Variants in DLG2 observed in about 807,000 individuals in gnomAD.
The protein encoded by DLG2 is disks large homolog 2.
DLG2 carries 45 observed loss-of-function variants against 132.5 expected under a neutral mutation model. The observed-to-expected ratio is 0.34, with a 90% CI of 0.27 to 0.44. The LOEUF (loss-of-function observed/expected upper bound fraction) is 0.44. Ranked by LOEUF, DLG2 falls within the 20% of genes least tolerant of loss-of-function variation. The pLI is 1.00. For synonymous variants in DLG2, 424 were observed against 419.6 expected (o/e 1.01, Z -0.13); for missense variants, 1,045 against 1,196.9 (o/e 0.87, Z 1.87).
chr11:85,310,973 T>G (rs2080278119), intron 3 of DLG2, among the ~76,000 whole-genome samples: 1 of 152,222 alleles, frequency 6.6e-6, no homozygotes, highest in South Asian at 2.1e-4. Flanking sequence ...GATTAATTTC[T>G]CTATTCATGT....
In DLG2 at chr11:85,376,105, C is replaced by T. The variant is rs58606696; in HGVS notation, c.41-90740G>A. ...TCAAGGCACTATACCAGACAGTCTACGAAAAACAAAAAATGAATACATCCC... is the reference window on the plus strand; with the variant it reads ...TCAAGGCACTATACCAGACAGTCTATGAAAAACAAAAAATGAATACATCCC... On this transcript the variant is annotated intron_variant, in intron 3 of 27. Coordinates refer to ENST00000376104, the MANE Select transcript of DLG2 (RefSeq NM_001142699.3). 1.1e-3 allele frequency among the ~76,000 whole-genome samples: 173 copies of T among 151,970 alleles called. 1 individual carries two copies. The highest frequency in any genetic ancestry group is 3.9e-3 in the African/African-American group (161 of 41,474).
intron 8 of DLG2, among the ~76,000 whole-genome samples, chr11:84,246,924 G>GT (rs1158224421): frequency 1.3e-5 from 2 of 152,048 alleles, no homozygotes; most frequent in African/African-American, 4.8e-5. Context: ...ATTACATGAG[G>GT]TAACAGTAAA....
At chr11:84,106,330 T>G (rs2092910865) in intron 9 of DLG2, among the ~76,000 whole-genome samples, 6 of 152,150 alleles carry the variant, frequency 3.9e-5, no homozygotes, top group Admixed American at 3.9e-4. Flanking sequence ...TCACATCCAC[T>G]TTCTGTCTCA....
At chr11:85,269,791 T>C (rs756127540) in intron 4 of DLG2, among the ~76,000 whole-genome samples, 9 of 152,192 alleles carry the variant, frequency 5.9e-5, no homozygotes, top group African/African-American at 9.6e-5. Flanking sequence ...TCCAGGAACA[T>C]AATCTATCAT....
intron 6 of DLG2, among the ~76,000 whole-genome samples, chr11:84,595,700 T>C (rs1260219405): frequency 6.6e-6 from 1 of 152,168 alleles, no homozygotes; most frequent in Non-Finnish European, 1.5e-5. Context: ...TCAAGCTTTA[T>C]TTAAGATTGG....
At chr11:84,187,661 C>T (rs2096304759) in intron 8 of DLG2, among the ~76,000 whole-genome samples, 1 of 151,936 alleles carries the variant, frequency 6.6e-6, no homozygotes, top group Admixed American at 6.6e-5. Context: ...TTGTCATCAG[C>T]AAAATCTGCT....
chr11:84,023,159 C>T (rs1003956998), intron 11 of DLG2, among the ~76,000 whole-genome samples: 4 of 151,766 alleles, frequency 2.6e-5, no homozygotes, highest in Non-Finnish European at 2.9e-5. Flanking sequence ...AATAGTCTGC[C>T]AAAAATTAAG....
rs1474257477 is a variant in DLG2, at chr11:85,507,327, A to T, written c.40+91330T>A. On this transcript the variant is annotated intron_variant, in intron 3 of 27. Transcript: ENST00000376104. ...GCATCAGTGGTCCTTACAATTTGGCATGTTTTTGCAGTGGCTGGTACCAGT... is the reference window on the plus strand; with the variant it reads ...GCATCAGTGGTCCTTACAATTTGGCTTGTTTTTGCAGTGGCTGGTACCAGT... Among the ~76,000 whole-genome samples the T allele has an allele frequency of 3.3e-5, 5 of 152,246 alleles. No individual in the cohort carries two copies. The South Asian group carries it at 8.3e-4, about 25-fold the overall frequency.
At chr11:83,692,489 G>T (rs1333035718) in intron 18 of DLG2, among the ~76,000 whole-genome samples, 2 of 152,164 alleles carry the variant, frequency 1.3e-5, no homozygotes, top group Non-Finnish European at 2.9e-5. Context: ...GAGGTAGGGG[G>T]TGGGAGGAAA....
chr11:84,872,060 T>G (rs1217291086), intron 6 of DLG2, among the ~76,000 whole-genome samples: 4 of 152,214 alleles, frequency 2.6e-5, no homozygotes, highest in Non-Finnish European at 5.9e-5. Flanking sequence ...ATCTAATTCC[T>G]CTGAAGGTAC....
intron 6 of DLG2, among the ~76,000 whole-genome samples, chr11:85,029,416 G>A (rs1457560954): frequency 1.3e-5 from 2 of 152,216 alleles, no homozygotes; most frequent in African/African-American, 4.8e-5. Flanking sequence ...ACATGGAGAA[G>A]AGTGTTCCAA....
chr11:84,355,844 C>A (rs1020656170), intron 7 of DLG2, among the ~76,000 whole-genome samples: 1 of 152,034 alleles, frequency 6.6e-6, no homozygotes, highest in Non-Finnish European at 1.5e-5. Context: ...ATGACTTGCA[C>A]CTGATTTTCC....
chr11:84,802,946 C>T (rs893049160), intron 6 of DLG2, among the ~76,000 whole-genome samples: 5 of 152,186 alleles, frequency 3.3e-5, no homozygotes, highest in South Asian at 4.1e-4. Context: ...ACAACAGGCA[C>T]GTACCACCAC....
At chr11:85,325,156 G>A (rs571637791) in intron 3 of DLG2, among the ~76,000 whole-genome samples, 13 of 141,268 alleles carry the variant, frequency 9.2e-5, no homozygotes, top group African/African-American at 3.2e-4. Context: ...TAGCACAGCA[G>A]TCTGAGATCA....
intron 18 of DLG2, among the ~76,000 whole-genome samples, chr11:83,730,583 C>T (rs762079583): frequency 2.6e-5 from 4 of 152,294 alleles, no homozygotes; most frequent in Admixed American, 1.3e-4. Flanking sequence ...AGGTTAACCA[C>T]TGAACACAAC....
At chr11:83,787,949 C>T (rs1001178985) in intron 17 of DLG2, among the ~76,000 whole-genome samples, 1 of 152,140 alleles carries the variant, frequency 6.6e-6, no homozygotes, top group African/African-American at 2.4e-5. Flanking sequence ...GAGTGGAGCA[C>T]AAAGGGAGAC....
At chr11:84,237,814 G>C (rs1197881013) in intron 8 of DLG2, among the ~76,000 whole-genome samples, 1 of 151,948 alleles carries the variant, frequency 6.6e-6, no homozygotes, top group South Asian at 2.1e-4. Context: ...GAAGCAGGTG[G>C]ATCATGAGGT....
chr11:84,866,493 T>C (rs1490775347), intron 6 of DLG2, among the ~76,000 whole-genome samples: 1 of 152,176 alleles, frequency 6.6e-6, no homozygotes, highest in Non-Finnish European at 1.5e-5. Context: ...AGGTGTGAGA[T>C]GTAGAATGGA....
intron 7 of DLG2, among the ~76,000 whole-genome samples, chr11:84,362,108 T>C (rs981270566): frequency 1.3e-5 from 2 of 151,872 alleles, no homozygotes; most frequent in Admixed American, 6.6e-5. Context: ...GATTGATGGA[T>C]TGAATAAAAA....
Sources: allele counts gnomAD v4.1 joint callset (sites outside exome capture counted in the v4.1 genomes callset), GRCh38; gene constraint gnomAD v4.1.1; transcripts MANE v1.5; gene names NCBI Gene and HGNC (gene_info 2026-07-23, HGNC 2026-07-21).